MTOR: variants seen among roughly 807,000 people sequenced by gnomAD.
MTOR encodes the protein serine/threonine-protein kinase mTOR.
In MTOR, 70 loss-of-function variants were observed where a neutral mutation model predicts 319.8. That is an observed-to-expected ratio of 0.22 (90% CI 0.18 to 0.27). The LOEUF (loss-of-function observed/expected upper bound fraction) is 0.27. Among genes scored for constraint, MTOR ranks in the 10% least tolerant of loss-of-function variants. The pLI, the probability that MTOR is intolerant of heterozygous loss-of-function variation, is 1.00. For synonymous variants in MTOR, 1,183 were observed against 1,211.4 expected, an observed-to-expected ratio of 0.98 and a Z score of 0.49; for missense variants, 1,890 against 3,274.4, an observed-to-expected ratio of 0.58 and a Z score of 10.32.
At chr1:11,254,595 G>A (rs1203422220) in intron 5 of MTOR, among the ~76,000 whole-genome samples, 3 of 87,430 alleles carry the variant, frequency 3.4e-5, no homozygotes, top group Non-Finnish European at 6.3e-5. Context: ...CATGTTCAGA[G>A]CTCTTTTTCT....
At chr1:11,108,994 CAAAAA>C (rs1239066080) in intron 56 of MTOR, among the ~76,000 whole-genome samples, 1 of 151,110 alleles carries the variant, frequency 6.6e-6, no homozygotes, top group Non-Finnish European at 1.5e-5. Flanking sequence ...CTCAAACAAA[CAAAAA>C]AAAGACATGA....
At chr1:11,222,549 T>A (rs1646703721) in intron 19 of MTOR, among the ~76,000 whole-genome samples, 1 of 151,982 alleles carries the variant, frequency 6.6e-6, no homozygotes, top group South Asian at 2.1e-4. Context: ...CTGCCCAGGT[T>A]GGTCTTACAC....
At chr1:11,193,813 C>T in intron 28 of MTOR, 1 of 1,602,532 alleles carries the variant, frequency 6.2e-7, no homozygotes, top group Non-Finnish European at 8.5e-7. Context: ...TGGACCAGTG[C>T]CACCACACAT....
chr1:11,229,622 A>G (rs1369885329), intron 18 of MTOR, among the ~76,000 whole-genome samples: 1 of 152,222 alleles, frequency 6.6e-6, no homozygotes, highest in Non-Finnish European at 1.5e-5. Flanking sequence ...AAGCAATATG[A>G]TCCCATCTAG....
intron 29 of MTOR, 41 bp from the exon 30 acceptor site, chr1:11,157,332 A>C: frequency 6.3e-7 from 1 of 1,597,926 alleles, no homozygotes; most frequent in Non-Finnish European, 8.5e-7. Context: ...GGTACACAGA[A>C]GAAGGGATCA....
At position 11,167,485 on chromosome 1, in the gene MTOR, G is replaced by A. The variant is rs763335354; in HGVS notation, c.4286C>T (p.Ala1429Val). The part of the protein sequence containing the change: ...INNKLQQPEA[A>V]AGVLEYAMKH... ...CATGGCATATTCTAACACTCCGGCC[G>A]CTGCCTCCGGCTGCTGTAGCTTATT... The change falls in exon 29 of 58, where the codon GCG becomes GTG. Residue 1429 changes from alanine to valine, a missense_variant. Coordinates refer to ENST00000361445, the MANE Select transcript of MTOR (RefSeq NM_004958.4). The A allele has an allele frequency of 2.0e-5, 33 of 1,612,690 alleles. No homozygotes were observed. In the South Asian group the frequency reaches 2.7e-4, roughly 13 times the overall value.
Position 11,146,764 on chromosome 1 carries a change from G to T in MTOR, c.4598C>A (p.Thr1533Asn), listed in dbSNP as rs1643943564. 1 of 1,614,066 alleles carries T rather than the reference G, an allele frequency of 6.2e-7. No individual in the cohort carries two copies. The highest frequency in any genetic ancestry group is 8.5e-7 in the Non-Finnish European group (1 of 1,179,952). Residue 1533 changes from threonine to asparagine, a missense_variant, in exon 32 of 58, where the codon ACC becomes AAC. By Grantham distance (65) the Thr-to-Asn change is moderately conservative. Coordinates refer to ENST00000361445, the MANE Select transcript of MTOR (RefSeq NM_004958.4). ...LGQWDSMEEY[T>N]CMIPRDTHDG... ...ATGGGTGTCCCGAGGGATCATACAGGTGTATTCTTCCATGCTGTCCCACTG... is the reference window on the plus strand; with the variant it reads ...ATGGGTGTCCCGAGGGATCATACAGTTGTATTCTTCCATGCTGTCCCACTG...
At position 11,106,618 on chromosome 1, in the gene MTOR, T is replaced by G; in HGVS notation, c.*867A>C. The G allele has an allele frequency of 7.3e-6, 8 of 1,089,200 alleles. No homozygotes were observed. The highest frequency in any genetic ancestry group is 9.0e-6 in the Non-Finnish European group (8 of 892,916). 67.5% of individuals were successfully genotyped at this position (1,089,200 alleles called of 1,614,324 possible). On this transcript the variant is annotated 3_prime_UTR_variant, in exon 58 of 58. Transcript: ENST00000361445. Reference sequence around the variant, plus strand: ...GTCTAGACATGGCTACACTTTATACTTTGTGCATTTAGTTGAGTATTTGTT... The same window carrying G: ...GTCTAGACATGGCTACACTTTATACGTTGTGCATTTAGTTGAGTATTTGTT...
chr1:11,223,416 TATG>T (rs1212582757), intron 19 of MTOR, among the ~76,000 whole-genome samples: 1 of 152,170 alleles, frequency 6.6e-6, no homozygotes, highest in Non-Finnish European at 1.5e-5. Flanking sequence ...GGTGAAATAA[TATG>T]ATACCTGTAA....
At chr1:11,144,866 C>T (rs1000991364) in intron 33 of MTOR, 102 bp downstream of exon 33, 2 of 1,512,944 alleles carry the variant, frequency 1.3e-6, no homozygotes, top group Admixed American at 1.7e-5. Flanking sequence ...TCAGAGAAAA[C>T]AGGCATGTTT....
Position 11,187,983 on chromosome 1 carries a change from A to G in MTOR, c.4253+11275T>C, listed in dbSNP as rs1466466099. ...TCCTCCACTGCTTTTTGATTCTGAG[A>G]AAAAAAAAAATTGTTCAGTAACTCC... On this transcript the variant is annotated intron_variant, in intron 28 of 57. Transcript: ENST00000361445. Among the ~76,000 whole-genome samples the G allele has an allele frequency of 3.9e-5, 5 of 128,668 alleles. No homozygotes were observed. In the East Asian group the frequency reaches 1.2e-3, roughly 30 times the overall value. 84.4% of individuals were successfully genotyped at this position (128,668 alleles called of 152,430 possible).
At chr1:11,236,400 A>G (rs1273545843) in intron 13 of MTOR, among the ~76,000 whole-genome samples, 2 of 151,672 alleles carry the variant, frequency 1.3e-5, no homozygotes, top group Non-Finnish European at 2.9e-5. Context: ...TGGCCTCCCA[A>G]TGTGCTGGGA....
intron 1 of MTOR, among the ~76,000 whole-genome samples, chr1:11,260,371 C>T (rs1364994447): frequency 6.6e-6 from 1 of 152,050 alleles, no homozygotes; most frequent in Non-Finnish European, 1.5e-5. Context: ...GGTGAAACCC[C>T]GTCTCTACTA....
chr1:11,113,624 T>C (rs1388088391), intron 53 of MTOR, among the ~76,000 whole-genome samples: 1 of 152,198 alleles, frequency 6.6e-6, no homozygotes, highest in Non-Finnish European at 1.5e-5. Flanking sequence ...TTTTTTTATT[T>C]TTTTGAGACA....
At chr1:11,222,457 A>G (rs1427877239) in intron 19 of MTOR, among the ~76,000 whole-genome samples, 1 of 152,160 alleles carries the variant, frequency 6.6e-6, no homozygotes, top group African/African-American at 2.4e-5. Context: ...TCGGCCTCCC[A>G]AAGTGCTGGG....
At chr1:11,230,121 TAA>T (rs35067541) in intron 18 of MTOR, among the ~76,000 whole-genome samples, 235 of 144,594 alleles carry the variant, frequency 1.6e-3, no homozygotes, top group Middle Eastern at 3.5e-3. Context: ...AACAAACCTT[TAA>T]AAAAAAAAAA....
intron 25 of MTOR, among the ~76,000 whole-genome samples, chr1:11,207,407 C>CTTTT (rs1158688984): frequency 1.3e-5 from 1 of 77,218 alleles, no homozygotes; most frequent in Non-Finnish European, 3.2e-5. Flanking sequence ...GGCCCCCTAC[C>CTTTT]TCTTTTTTTT....
Position 11,128,572 on chromosome 1 carries a change from A to C in MTOR, c.5812-20T>G, listed in dbSNP as rs374502059. 7.5e-6 allele frequency: 12 copies of C among 1,603,938 alleles called. No homozygotes were observed. The highest frequency in any genetic ancestry group is 6.7e-5 in the East Asian group (3 of 44,822). On this transcript the variant is annotated intron_variant, in intron 41 of 57. Coordinates refer to ENST00000361445, the MANE Select transcript of MTOR (RefSeq NM_004958.4). The surrounding 1 kb of genome is among the most constrained non-coding windows in gnomAD (Gnocchi z 5.3). ...TATAACCTGGTATTCAAAAAGACAC[A>C]GTATGTAGCATATGAGACTTGAAAC...
intron 12 of MTOR, 71 bp downstream of exon 12, chr1:11,238,331 T>C: frequency 6.7e-7 from 1 of 1,493,282 alleles, no homozygotes; most frequent in Non-Finnish European, 9.3e-7. Flanking sequence ...GGCCATGTAA[T>C]GAAACTGGCT....
Sources: gnomAD v4.1 joint callset for allele counts (sites outside exome capture counted in the v4.1 genomes callset) on GRCh38, gnomAD v4.1.1 for gene constraint, Gnocchi (gnomAD v3.1) non-coding constraint, MANE v1.5 for transcripts, NCBI Gene and HGNC (gene_info 2026-07-23, HGNC 2026-07-21) for gene names.